Variants in ADAM19 observed in about 807,000 individuals in gnomAD.
ADAM19 encodes disintegrin and metalloproteinase domain-containing protein 19.
Under a neutral mutation model 114.7 loss-of-function variants are expected in ADAM19, and 65 were observed. That is an observed-to-expected ratio of 0.57 (90% CI 0.46 to 0.70). ADAM19 has a LOEUF of 0.70. Among genes scored for constraint, ADAM19 ranks in the 30% least tolerant of loss-of-function variants. The pLI is 0.00. For missense variants in ADAM19, 1,063 were observed against 1,204.7 expected, an observed-to-expected ratio of 0.88 and a Z score of 1.74; for synonymous variants, 466 against 460.5, an observed-to-expected ratio of 1.01 and a Z score of -0.15.
At chr5:157,505,922 T>A (rs535078887) in intron 10 of ADAM19, 114 bp from the exon 11 acceptor site, 2 of 1,223,696 alleles carry the variant, frequency 1.6e-6, no homozygotes, top group Non-Finnish European at 1.1e-6. Context: ...CCACTGTCAC[T>A]GAGCATACAG....
chr5:157,507,754 C>A (rs978003477), intron 9 of ADAM19, among the ~76,000 whole-genome samples: 1 of 152,136 alleles, frequency 6.6e-6, no homozygotes, highest in African/African-American at 2.4e-5. Flanking sequence ...CAATGGGATC[C>A]TAATCTGCCA....
chr5:157,567,562 C>T (rs575627147), intron 2 of ADAM19, among the ~76,000 whole-genome samples: 1 of 152,276 alleles, frequency 6.6e-6, no homozygotes, highest in Non-Finnish European at 1.5e-5. Flanking sequence ...CTTTGGGAGG[C>T]CAAGGTGGGC....
intron 3 of ADAM19, among the ~76,000 whole-genome samples, chr5:157,559,686 G>A (rs977345316): frequency 3.2e-4 from 48 of 150,980 alleles, no homozygotes; most frequent in African/African-American, 1.0e-3. Flanking sequence ...TCAGGACATG[G>A]GGAAAAGAAC....
rs969604643 is a variant in ADAM19 at position 157,502,741 on chromosome 5, C to T, written c.1308+62G>A. On this transcript the variant is annotated intron_variant, in intron 12 of 22. Transcript: ENST00000257527. ...AAATTTTCAATTGTGTTCTCTTTGA[C>T]CTTGAGTTTTGAAACCAATGCAAAT... 8 of 1,567,206 alleles carry T rather than the reference C, an allele frequency of 5.1e-6. No individual in the cohort carries two copies. In the African/African-American group the frequency reaches 6.7e-5, roughly 13 times the overall value.
intron 21 of ADAM19, among the ~76,000 whole-genome samples, chr5:157,482,256 T>A (rs547286104): frequency 6.6e-6 from 1 of 152,338 alleles, no homozygotes; most frequent in East Asian, 1.9e-4. Context: ...GGTTGTTTGA[T>A]TTTTTCTTGT....
intron 13 of ADAM19, among the ~76,000 whole-genome samples, chr5:157,498,796 C>T (rs1755454432): frequency 6.6e-6 from 1 of 151,688 alleles, no homozygotes; most frequent in Non-Finnish European, 1.5e-5. Flanking sequence ...ATAACACCTT[C>T]TGATCAAACA....
intron 13 of ADAM19, among the ~76,000 whole-genome samples, chr5:157,498,652 A>G (rs1561530454): frequency 6.7e-6 from 1 of 149,356 alleles, no homozygotes; most frequent in Non-Finnish European, 1.5e-5. Context: ...GTCCATATGT[A>G]CATGTGTGTA....
chr5:157,519,788 G>C (rs757718685), intron 6 of ADAM19, 51 bp downstream of exon 6: 2 of 1,527,416 alleles, frequency 1.3e-6, no homozygotes, highest in South Asian at 2.5e-5. Flanking sequence ...ACCTCAGAGG[G>C]GACAAGCCTG....
intron 3 of ADAM19, among the ~76,000 whole-genome samples, chr5:157,558,254 C>G (rs141391846): frequency 1.3e-5 from 2 of 152,336 alleles, no homozygotes; most frequent in East Asian, 3.9e-4. Flanking sequence ...ACAGGCAGCT[C>G]TCATCAAATT....
chr5:157,567,078 T>G (rs1483434593), intron 2 of ADAM19, among the ~76,000 whole-genome samples: 1 of 152,198 alleles, frequency 6.6e-6, no homozygotes, highest in Non-Finnish European at 1.5e-5. Flanking sequence ...TCTGAGAAAG[T>G]AGGTCACCTG....
intron 13 of ADAM19, among the ~76,000 whole-genome samples, chr5:157,498,680 G>GTA (rs1243387797): frequency 3.3e-5 from 3 of 91,302 alleles, no homozygotes; most frequent in Non-Finnish European, 4.4e-5. Context: ...AATTACACAT[G>GTA]TGTGTATGTA....
At chr5:157,543,637 G>A (rs972288109) in intron 3 of ADAM19, among the ~76,000 whole-genome samples, 4 of 152,134 alleles carry the variant, frequency 2.6e-5, no homozygotes, top group Admixed American at 2.0e-4. Flanking sequence ...GCAAAATCTT[G>A]ATCATTGTTA....
intron 14 of ADAM19, 115 bp from the exon 15 acceptor site, chr5:157,494,910 C>T: frequency 1.4e-6 from 1 of 717,640 alleles, no homozygotes; most frequent in East Asian, 2.8e-5. Flanking sequence ...GAATACTCAG[C>T]CTCTTCTTCC....
chr5:157,549,341 C>T (rs1456005302), intron 3 of ADAM19, among the ~76,000 whole-genome samples: 2 of 152,176 alleles, frequency 1.3e-5, no homozygotes, highest in Admixed American at 1.3e-4. Context: ...AACCCGTTCC[C>T]CAACCTCAAC....
chr5:157,489,756 C>T (rs1223302557), intron 19 of ADAM19, among the ~76,000 whole-genome samples: 4 of 152,104 alleles, frequency 2.6e-5, no homozygotes, highest in South Asian at 2.1e-4. Context: ...GAGGCCAAAG[C>T]GGGCAGATCA....
At chr5:157,506,562 A>G (rs1326002601) in intron 10 of ADAM19, among the ~76,000 whole-genome samples, 1 of 152,244 alleles carries the variant, frequency 6.6e-6, no homozygotes, top group Non-Finnish European at 1.5e-5. Flanking sequence ...ACAGACAAAT[A>G]GATGAAGACA....
Position 157,575,698 on chromosome 5 carries a change from G to C in ADAM19, c.-2C>G. ...GGCGGCGCCTGCGCCCCCTGGCATGGTGGCGGCGGCCCTTAGCGCTCGGCG... is the reference window on the plus strand; with the variant it reads ...GGCGGCGCCTGCGCCCCCTGGCATGCTGGCGGCGGCCCTTAGCGCTCGGCG... On this transcript the variant is annotated 5_prime_UTR_variant, in exon 1 of 23. Transcript: ENST00000257527. The C allele has an allele frequency of 7.5e-7, 1 of 1,324,776 alleles. No individual in the cohort carries two copies. Among genetic ancestry groups the C allele is most frequent in the Non-Finnish European group, 9.6e-7 (1 of 1,041,130 alleles). 82.1% of individuals were successfully genotyped at this position (1,324,776 alleles called of 1,614,324 possible). A position where few individuals can be genotyped will look rare whatever the true frequency, so the allele number is the denominator to read the frequency against.
intron 3 of ADAM19, among the ~76,000 whole-genome samples, chr5:157,561,979 G>A (rs1168582647): frequency 2.0e-5 from 3 of 151,920 alleles, no homozygotes; most frequent in Non-Finnish European, 2.9e-5. Flanking sequence ...ACCAGAGGCT[G>A]AGAAATGGCT....
At chr5:157,496,054 C>G (rs1271962086) in intron 14 of ADAM19, among the ~76,000 whole-genome samples, 1 of 151,520 alleles carries the variant, frequency 6.6e-6, no homozygotes, top group African/African-American at 2.4e-5. Context: ...ATCCCCCCAC[C>G]TCAGCCTCCT....
Sources: gnomAD v4.1 joint callset for allele counts (sites outside exome capture counted in the v4.1 genomes callset) on GRCh38, gnomAD v4.1.1 for gene constraint, MANE v1.5 for transcripts, NCBI Gene and HGNC (gene_info 2026-07-23, HGNC 2026-07-21) for gene names.